Variants in ZAN observed in about 807,000 individuals in gnomAD.
ZAN encodes zonadhesin (gene/pseudogene).
ZAN carries 260 observed loss-of-function variants against 286.2 expected under a neutral mutation model. The observed-to-expected ratio is 0.91, with a 90% CI of 0.82 to 1.01. The LOEUF (loss-of-function observed/expected upper bound fraction) is 1.01. Ranked by LOEUF, ZAN falls within the 50% of genes least tolerant of loss-of-function variation. The probability of loss-of-function intolerance (pLI) is 0.00; values close to 1 mark genes in which losing one functional copy is unlikely to be tolerated. For missense variants in ZAN, 3,410 were observed against 3,639.2 expected, an observed-to-expected ratio of 0.94 and a Z score of 1.62; for synonymous variants, 1,368 against 1,417.5, an observed-to-expected ratio of 0.97 and a Z score of 0.79.
chr7:100,796,908 CG>C (rs1812399005), intron 45 of ZAN, among the ~76,000 whole-genome samples: 1 of 151,996 alleles, frequency 6.6e-6, no homozygotes, highest in Non-Finnish European at 1.5e-5. Flanking sequence ...GAGGCCAAGG[CG>C]GGAGGATCAC....
Position 100,746,565 on chromosome 7 carries a change from A to G in ZAN, c.794A>G (p.Lys265Arg), listed in dbSNP as rs1808232872. Reference protein sequence around the residue: ...GSGCYMLLDPKNARPGQKAVL... With the variant: ...GSGCYMLLDPRNARPGQKAVL... The stretch of plus-strand genomic sequence containing the variant: ...GGCTGCTACATGCTCCTGGACCCCA[A>G]GAATGCAAGACCTGGGCAGAAAGCT... Residue 265 changes from lysine (K) to arginine (R), a missense_variant, in exon 8 of 48, where the codon AAG becomes AGG. Physicochemically the swap from Lys to Arg is conservative, Grantham distance 26 (BLOSUM62 2). Coordinates refer to ENST00000613979, the MANE Select transcript of ZAN (RefSeq NM_003386.3). The G allele has an allele frequency of 1.2e-6, 2 of 1,613,774 alleles. No individual in the cohort carries two copies. Among genetic ancestry groups the G allele is most frequent in the Non-Finnish European group, 1.7e-6 (2 of 1,179,878 alleles).
At chr7:100,755,852 A>G (rs1404310435) in intron 15 of ZAN, among the ~76,000 whole-genome samples, 1 of 152,146 alleles carries the variant, frequency 6.6e-6, no homozygotes, top group Non-Finnish European at 1.5e-5. Flanking sequence ...GATTATAGGC[A>G]TAAGTCACCG....
chr7:100,734,385 T>C lies in ZAN; in HGVS notation c.53+164T>C, dbSNP rs570128551. 1.5e-4 allele frequency among the ~76,000 whole-genome samples: 21 copies of C among 139,032 alleles called. 3 individuals carry two copies. The highest frequency in any genetic ancestry group is 8.9e-4 in the South Asian group (4 of 4,498). 91.2% of individuals were successfully genotyped at this position (139,032 alleles called of 152,430 possible). The stretch of plus-strand genomic sequence containing the variant: ...CTGTAATCCCAGCACTTTGGGAGGC[T>C]GAGGTGGGCAGATCACGAGGTCAGG... On this transcript the variant is annotated intron_variant, in intron 2 of 47. Coordinates refer to ENST00000613979, the MANE Select transcript of ZAN (RefSeq NM_003386.3).
chr7:100,758,500 C>A, intron 16 of ZAN, 31 bp from the exon 17 acceptor site: 1 of 1,553,352 alleles, frequency 6.4e-7, no homozygotes, highest in Non-Finnish European at 8.7e-7. Context: ...GCCACAGAAG[C>A]AGCTTCGCCT....
chr7:100,789,438 A>G (rs1811792482), intron 39 of ZAN, 91 bp downstream of exon 39: 1 of 1,555,594 alleles, frequency 6.4e-7, no homozygotes, highest in African/African-American at 1.4e-5. Flanking sequence ...CCTGGTGAGC[A>G]GACTCGGCCC....
chr7:100,775,368 G>A lies in ZAN; in HGVS notation c.5820G>A (p.Val1940=), dbSNP rs777110020. ...AGCTCCCAGGGGAGTCCCACTACGT[G>A]AGCTTTGATGGTAGTAACCATTCTA... ...VCQLPGESHY[V]SFDGSNHSIP... Residue 1940 remains valine, a synonymous_variant, in exon 32 of 48, where the codon GTG becomes GTA. Coordinates refer to ENST00000613979, the MANE Select transcript of ZAN (RefSeq NM_003386.3). 1 of 1,613,706 alleles carries A rather than the reference G, an allele frequency of 6.2e-7. No homozygotes were observed. Among genetic ancestry groups the A allele is most frequent in the South Asian group, 1.1e-5 (1 of 91,024 alleles).
chr7:100,776,548 A>G lies in ZAN; in HGVS notation c.6301A>G (p.Lys2101Glu). The G allele has an allele frequency of 6.4e-7, 1 of 1,557,032 alleles. No individual in the cohort carries two copies. The highest frequency in any genetic ancestry group is 1.2e-5 in the South Asian group (1 of 84,350). Residue 2101 changes from lysine to glutamate, a missense_variant, in exon 34 of 48, where the codon AAG (lysine) becomes GAG (glutamate). Physicochemically the swap from Lys to Glu is moderately conservative, Grantham distance 56. Coordinates refer to ENST00000613979, the MANE Select transcript of ZAN (RefSeq NM_003386.3). ...DSEFVNSWKDKDIDPSCQSLL... is the reference protein window; with the variant it reads ...DSEFVNSWKDEDIDPSCQSLL... ...TGAATTTGTGAACAGTTGGAAAGAT[A>G]AGGACATTGACCCAAGGTAGTGGTC...
chr7:100,758,132 A>G (rs1469467257), intron 15 of ZAN, 70 bp from the exon 16 acceptor site: 1 of 1,265,830 alleles, frequency 7.9e-7, no homozygotes. Flanking sequence ...AAATAAATGA[A>G]AAAGAAAGGC....
chr7:100,786,186 C>T (rs757024438), intron 37 of ZAN, 45 bp downstream of exon 37: 3 of 1,609,628 alleles, frequency 1.9e-6, no homozygotes, highest in South Asian at 2.2e-5. Flanking sequence ...GCACCTGTGG[C>T]CAGGGCGGAG....
chr7:100,783,783 TACAC>T lies in ZAN; in HGVS notation c.6623-838_6623-835del, dbSNP rs1554409766. Among the ~76,000 whole-genome samples the T allele has an allele frequency of 7.9e-3, 161 of 20,458 alleles. 11 individuals carry two copies. The highest frequency in any genetic ancestry group is 0.012 in the Non-Finnish European group (115 of 9,332). The allele number at this position is 20,458 out of a possible 152,430, so 13.4% of individuals were successfully genotyped here. A position where few individuals can be genotyped will look rare whatever the true frequency, so the allele number is the denominator to read the frequency against. ...AAAAAAATATATATATATATATATATACACATATATATATATACACACATATATA... is the reference window on the plus strand; with the variant it reads ...AAAAAAATATATATATATATATATATATATATATATATACACACATATATA... On this transcript the variant is annotated intron_variant, in intron 35 of 47. Transcript: ENST00000613979.
intron 40 of ZAN, among the ~76,000 whole-genome samples, chr7:100,791,617 T>A (rs912207508): frequency 1.3e-5 from 2 of 152,058 alleles, no homozygotes; most frequent in African/African-American, 4.8e-5. Flanking sequence ...ATGTTGGCCA[T>A]ACTGGTCTCG....
At chr7:100,775,231 C>T in intron 31 of ZAN, 97 bp from the exon 32 acceptor site, 1 of 1,493,078 alleles carries the variant, frequency 6.7e-7, no homozygotes, top group Non-Finnish European at 8.9e-7. Context: ...GGTCTTGACT[C>T]TTTTCTGGAA....
Position 100,759,716 on chromosome 7 carries a change from C to T in ZAN, c.3572-5C>T, listed in dbSNP as rs888502542. 6.3e-7 allele frequency: 1 copy of T among 1,581,734 alleles called. No homozygotes were observed. The highest frequency in any genetic ancestry group is 1.4e-5 in the African/African-American group (1 of 73,988). Reference sequence around the variant, plus strand: ...TGGGCTCTCTTCATTCCTCTCCCTACCCAGACCCATTCTTCAGGGTGACAG... The same window carrying T: ...TGGGCTCTCTTCATTCCTCTCCCTATCCAGACCCATTCTTCAGGGTGACAG... On this transcript the variant is annotated splice_region_variant and splice_polypyrimidine_tract_variant and intron_variant, in intron 17 of 47. Transcript: ENST00000613979.
rs1342764781 is a variant in ZAN at position 100,746,652 on chromosome 7, T to C, written c.881T>C (p.Leu294Pro). 1.2e-6 allele frequency: 2 copies of C among 1,613,924 alleles called. No homozygotes were observed. Among genetic ancestry groups the C allele is most frequent in the South Asian group, 2.2e-5 (2 of 91,086 alleles). Residue 294 changes from leucine to proline, a missense_variant, in exon 8 of 48, where the codon CTC becomes CCC. This residue lies in a region of ZAN where 872 missense variants were observed against 938.9 expected (regional missense o/e 0.93). Coordinates refer to ENST00000613979, the MANE Select transcript of ZAN (RefSeq NM_003386.3). ...CTGAGCTTTTCCTTCCACTACATCCTCCGGGGCCAGTCTCCTGGTGCAGCC... is the reference window on the plus strand; with the variant it reads ...CTGAGCTTTTCCTTCCACTACATCCCCCGGGGCCAGTCTCCTGGTGCAGCC... ...GCLSFSFHYI[L>P]RGQSPGAALH...
chr7:100,737,421 T>C, intron 6 of ZAN, 72 bp downstream of exon 6: 2 of 1,146,862 alleles, frequency 1.7e-6, no homozygotes, highest in South Asian at 1.5e-5. Flanking sequence ...AAGAAGAGGA[T>C]CCAGGGCGGG....
chr7:100,750,092 A>ACACACACT lies in ZAN; in HGVS notation c.1250-526_1250-525insTCACACAC, dbSNP rs1259716733. ...CACACACACACACACACACACACAC[A>ACACACACT]CACACACGACATTAATGAATGTAAT... is the stretch of plus-strand genomic sequence containing the variant. On this transcript the variant is annotated intron_variant, in intron 11 of 47. Coordinates refer to ENST00000613979, the MANE Select transcript of ZAN (RefSeq NM_003386.3). 2.2e-3 allele frequency among the ~76,000 whole-genome samples: 332 copies of ACACACACT among 149,670 alleles called. 1 individual carries two copies. The highest frequency in any genetic ancestry group is 7.8e-3 in the African/African-American group (318 of 40,526).
rs1272919530 is a variant in ZAN at position 100,750,631 on chromosome 7, A to G, written c.1256A>G (p.His419Arg). Residue 419 changes from histidine to arginine, a missense_variant, in exon 12 of 48, where the codon CAC becomes CGC. Coordinates refer to ENST00000613979, the MANE Select transcript of ZAN (RefSeq NM_003386.3). ...GTTCCCTTCCTTTGCCTAGGGGGTC[A>G]CTATATCTACCTTGAGGCTGACGAG... ...PAGGFPNAGG[H>R]YIYLEADEFS... is the part of the protein sequence containing the mutation. 1.2e-6 allele frequency: 2 copies of G among 1,613,176 alleles called. No individual in the cohort carries two copies. Among genetic ancestry groups the G allele is most frequent in the Non-Finnish European group, 1.7e-6 (2 of 1,179,610 alleles).
At position 100,785,698 on chromosome 7, in the gene ZAN, G is replaced by A. The variant is rs1811517662; in HGVS notation, c.6835-299G>A. ...TCTTGAGACAGAGTCTCGCTCTGTT[G>A]CCCAGGCTGGAATGCAGTGGTGCGA... On this transcript the variant is annotated intron_variant, in intron 36 of 47. Transcript: ENST00000613979. Among the ~76,000 whole-genome samples the A allele has an allele frequency of 2.0e-5, 3 of 148,548 alleles. No individual in the cohort carries two copies. In the South Asian group the frequency reaches 6.4e-4, roughly 32 times the overall value.
At chr7:100,774,928 G>A (rs1268357187) in intron 31 of ZAN, among the ~76,000 whole-genome samples, 1 of 151,494 alleles carries the variant, frequency 6.6e-6, no homozygotes, top group Non-Finnish European at 1.5e-5. Context: ...TTTTTTGTTT[G>A]TTTGTTTGTT....
Sources: allele counts gnomAD v4.1 joint callset (sites outside exome capture counted in the v4.1 genomes callset), GRCh38; gene constraint gnomAD v4.1.1; regional missense constraint gnomAD v4.1.1; transcripts MANE v1.5; gene names NCBI Gene and HGNC (gene_info 2026-07-23, HGNC 2026-07-21).